The following KCNH7 variants were observed in gnomAD, a reference collection of about 807,000 sequenced individuals.
KCNH7 encodes potassium voltage-gated channel subfamily H member 7.
KCNH7 carries 49 observed loss-of-function variants against 120.8 expected under a neutral mutation model. That is an observed-to-expected ratio of 0.41 (90% confidence interval 0.32 to 0.51). The LOEUF (loss-of-function observed/expected upper bound fraction) is 0.51. Ranked by LOEUF, KCNH7 falls within the 20% of genes least tolerant of loss-of-function variation. The pLI, the probability that KCNH7 is intolerant of heterozygous loss-of-function variation, is 0.38. For missense variants in KCNH7, 1,097 were observed against 1,446.6 expected, an observed-to-expected ratio of 0.76 and a Z score of 3.92; for synonymous variants, 547 against 516.1, an observed-to-expected ratio of 1.06 and a Z score of -0.81.
At chr2:162,818,767 T>A (rs1685001778) in intron 2 of KCNH7, among the ~76,000 whole-genome samples, 1 of 152,202 alleles carries the variant, frequency 6.6e-6, no homozygotes, top group South Asian at 2.1e-4. Context: ...TTGTCCAACT[T>A]ATTCTATTGG....
intron 2 of KCNH7, among the ~76,000 whole-genome samples, chr2:162,543,270 T>A (rs570977137): frequency 1.5e-4 from 22 of 147,742 alleles, no homozygotes; most frequent in South Asian, 1.3e-3. Context: ...AATCTCTCTC[T>A]CACACACACA....
At chr2:162,442,698 A>T (rs948468772) in intron 7 of KCNH7, among the ~76,000 whole-genome samples, 3 of 152,042 alleles carry the variant, frequency 2.0e-5, no homozygotes, top group African/African-American at 2.4e-5. Flanking sequence ...TCTGCAAAAA[A>T]ATATGAAAAT....
At chr2:162,782,732 GAAAA>G (rs1683546702) in intron 2 of KCNH7, among the ~76,000 whole-genome samples, 1 of 152,168 alleles carries the variant, frequency 6.6e-6, no homozygotes, top group South Asian at 2.1e-4. Flanking sequence ...GCACTATTCT[GAAAA>G]TAAAGTTAAA....
At chr2:162,455,862 T>C (rs1226901076) in intron 6 of KCNH7, among the ~76,000 whole-genome samples, 1 of 152,106 alleles carries the variant, frequency 6.6e-6, no homozygotes, top group African/African-American at 2.4e-5. Flanking sequence ...GGTCTATCTA[T>C]TTTGTTAATC....
chr2:162,683,580 TCA>T (rs1393586024), intron 2 of KCNH7, among the ~76,000 whole-genome samples: 1 of 151,856 alleles, frequency 6.6e-6, no homozygotes, highest in Non-Finnish European at 1.5e-5. Flanking sequence ...AGACATTGGG[TCA>T]CATTAGGAAA....
rs192174211 is a variant in KCNH7 at position 162,566,232 on chromosome 2, G to A, written c.308-29152C>T. 3.3e-5 allele frequency among the ~76,000 whole-genome samples: 5 copies of A among 152,104 alleles called. No individual in the cohort carries two copies. The East Asian group carries it at 9.7e-4, about 30-fold the overall frequency. On this transcript the variant is annotated intron_variant, in intron 2 of 15. Transcript: ENST00000332142. ...TCTCCTTTCCATCATCATTCATGGAGTTTACCAGCCTCATAGCCAAGACAC... is the reference window on the plus strand; with the variant it reads ...TCTCCTTTCCATCATCATTCATGGAATTTACCAGCCTCATAGCCAAGACAC...
At chr2:162,710,970 C>T (rs1686907306) in intron 2 of KCNH7, among the ~76,000 whole-genome samples, 1 of 152,100 alleles carries the variant, frequency 6.6e-6, no homozygotes, top group Non-Finnish European at 1.5e-5. Context: ...TCATGATCCT[C>T]TTCAATGTCA....
chr2:162,622,000 A>T (rs1337725349), intron 2 of KCNH7, among the ~76,000 whole-genome samples: 1 of 152,198 alleles, frequency 6.6e-6, no homozygotes, highest in Non-Finnish European at 1.5e-5. Context: ...AAGAATATTC[A>T]GTCTAATTTC....
intron 2 of KCNH7, among the ~76,000 whole-genome samples, chr2:162,565,604 T>C (rs922817366): frequency 7.9e-5 from 12 of 152,222 alleles, no homozygotes; most frequent in Admixed American, 7.2e-4. Flanking sequence ...GAATGGTGCT[T>C]AGTTATCCTG....
chr2:162,838,348 TG>T, intron 1 of KCNH7, 94 bp downstream of exon 1: 1 of 976,528 alleles, frequency 1.0e-6, no homozygotes, highest in Non-Finnish European at 1.6e-6. Context: ...TGACAGAGCC[TG>T]GAGTTGCCGG....
chr2:162,426,479 T>A (rs76891624), intron 8 of KCNH7, among the ~76,000 whole-genome samples: 142 of 152,244 alleles, frequency 9.3e-4, no homozygotes, highest in Admixed American at 1.6e-3. Context: ...CTCAGTATTT[T>A]TAGTTTTATA....
rs900545594 is a variant in KCNH7, at chr2:162,371,624, A to T, written c.*205T>A. 5.0e-6 allele frequency: 4 copies of T among 795,568 alleles called. No individual in the cohort carries two copies. In the African/African-American group the frequency reaches 5.2e-5, roughly 10 times the overall value. The allele number at this position is 795,568 out of a possible 1,614,324, so 49.3% of individuals were successfully genotyped here. A position where few individuals can be genotyped will look rare whatever the true frequency, so the allele number is the denominator to read the frequency against. ...GCCGTGAGATGCTGGCAGTTTTAAC[A>T]TTTGGAACCAAAAGTTCTTATGTAT... On this transcript the variant is annotated 3_prime_UTR_variant, in exon 16 of 16. Transcript: ENST00000332142.
At chr2:162,826,079 A>C (rs895164449) in intron 2 of KCNH7, among the ~76,000 whole-genome samples, 7 of 152,116 alleles carry the variant, frequency 4.6e-5, no homozygotes, top group African/African-American at 1.7e-4. Flanking sequence ...CATGTGACTG[A>C]TGAAGTGTCT....
At chr2:162,565,564 T>A (rs527908144) in intron 2 of KCNH7, among the ~76,000 whole-genome samples, 1 of 152,158 alleles carries the variant, frequency 6.6e-6, no homozygotes, top group Admixed American at 6.6e-5. Context: ...ATGAAAGATC[T>A]CAAAATGTCC....
chr2:162,719,875 T>C (rs1687263425), intron 2 of KCNH7, among the ~76,000 whole-genome samples: 1 of 152,016 alleles, frequency 6.6e-6, no homozygotes. Context: ...TTTAAATAGT[T>C]CCCTGCAACC....
intron 2 of KCNH7, chr2:162,796,809 G>C (rs940385392): frequency 9.2e-5 from 14 of 151,636 alleles, no homozygotes; most frequent in Admixed American, 2.0e-4. Context: ...GCCATACCTG[G>C]GACTTTTTAA....
At chr2:162,727,737 C>A (rs1028835217) in intron 2 of KCNH7, among the ~76,000 whole-genome samples, 2 of 152,096 alleles carry the variant, frequency 1.3e-5, no homozygotes, top group African/African-American at 4.8e-5. Flanking sequence ...TGTTGATGAA[C>A]ACTTGGGCTG....
At chr2:162,672,665 A>T (rs1222661041) in intron 2 of KCNH7, among the ~76,000 whole-genome samples, 1 of 152,036 alleles carries the variant, frequency 6.6e-6, no homozygotes, top group Non-Finnish European at 1.5e-5. Flanking sequence ...CCACATAGCG[A>T]TTACTGTATG....
chr2:162,774,613 G>C (rs1683169762), intron 2 of KCNH7, among the ~76,000 whole-genome samples: 2 of 152,156 alleles, frequency 1.3e-5, no homozygotes, highest in Non-Finnish European at 2.9e-5. Flanking sequence ...CTGGGCTTGT[G>C]TGTGGTAAGA....
Sources: gnomAD v4.1 joint callset for allele counts (sites outside exome capture counted in the v4.1 genomes callset) on GRCh38, gnomAD v4.1.1 for gene constraint, MANE v1.5 for transcripts, NCBI Gene and HGNC (gene_info 2026-07-23, HGNC 2026-07-21) for gene names.